Variants in SNRPN observed in about 807,000 individuals in gnomAD.
The protein encoded by SNRPN is small nuclear ribonucleoprotein polypeptide N, also known as small nuclear ribonucleoprotein-associated protein N.
Under a neutral mutation model 25.2 loss-of-function variants are expected in SNRPN, and 7 were observed. That is an observed-to-expected ratio of 0.28 (90% CI 0.16 to 0.52). The LOEUF (loss-of-function observed/expected upper bound fraction) is 0.52. SNRPN is among the 20% of genes least tolerant of loss of function. The pLI, the probability that SNRPN is intolerant of heterozygous loss-of-function variation, is 0.96. For missense variants in SNRPN, 196 were observed against 322.5 expected (o/e 0.61, Z 3.00); for synonymous variants, 124 against 110.6 (o/e 1.12, Z -0.76).
chr15:24,915,446 A>T (rs1470355499), intron 2 of SNRPN, among the ~76,000 whole-genome samples: 1 of 152,100 alleles, frequency 6.6e-6, no homozygotes, highest in African/African-American at 2.4e-5. Context: ...TTCTTGATAA[A>T]CAGACTTCCT....
intron 3 of SNRPN, among the ~76,000 whole-genome samples, chr15:24,944,981 C>T (rs1460586785): frequency 6.6e-6 from 1 of 152,176 alleles, no homozygotes; most frequent in Non-Finnish European, 1.5e-5. Flanking sequence ...ATCTGCTTTA[C>T]TCAAAGTCTA....
chr15:24,843,881 G>A (rs1472139423), intron 2 of SNRPN, among the ~76,000 whole-genome samples: 1 of 151,462 alleles, frequency 6.6e-6, no homozygotes, highest in South Asian at 2.1e-4. Flanking sequence ...GCTAGGGCAT[G>A]AGAATAGCTT....
At chr15:24,884,816 A>G (rs2057046934) in intron 1 of SNRPN, among the ~76,000 whole-genome samples, 1 of 152,148 alleles carries the variant, frequency 6.6e-6, no homozygotes, top group South Asian at 2.1e-4. Flanking sequence ...TGTTGCCAGA[A>G]AAAGGGGCCC....
At chr15:24,878,131 C>A (rs1309953051) in intron 1 of SNRPN, among the ~76,000 whole-genome samples, 1 of 152,212 alleles carries the variant, frequency 6.6e-6, no homozygotes, top group Non-Finnish European at 1.5e-5. Flanking sequence ...CTACAGTTCA[C>A]AAAATGAACG....
At chr15:24,971,486 T>C (rs1292968402) in intron 3 of SNRPN, among the ~76,000 whole-genome samples, 3 of 152,026 alleles carry the variant, frequency 2.0e-5, no homozygotes, top group African/African-American at 7.2e-5. Flanking sequence ...TCAACTCCTA[T>C]TGTGAGTAAA....
chr15:24,884,004 TAAAA>T (rs34950476), intron 1 of SNRPN, among the ~76,000 whole-genome samples: 4 of 127,138 alleles, frequency 3.1e-5, no homozygotes, highest in Non-Finnish European at 3.3e-5. Context: ...CCACTCTGTC[TAAAA>T]AAAAAAAAAA....
intron 1 of SNRPN, among the ~76,000 whole-genome samples, chr15:24,865,732 G>C (rs922247976): frequency 6.6e-6 from 1 of 152,024 alleles, no homozygotes; most frequent in Non-Finnish European, 1.5e-5. Context: ...TTTATAATTT[G>C]ATATCTTATT....
chr15:24,860,459 G>A (rs2053891748), intron 1 of SNRPN, among the ~76,000 whole-genome samples: 1 of 152,114 alleles, frequency 6.6e-6, no homozygotes, highest in African/African-American at 2.4e-5. Context: ...GAATTGTGTT[G>A]TTCATTTATA....
intron 3 of SNRPN, among the ~76,000 whole-genome samples, chr15:24,930,590 C>CAAAAAAAAAA (rs67708507): frequency 1.5e-4 from 15 of 98,352 alleles, no homozygotes; most frequent in Admixed American, 5.2e-4. Context: ...TACAAAAATA[C>CAAAAAAAAAA]AAAAAAAAAA....
Position 24,976,908 on chromosome 15 carries a change from C to G in SNRPN, c.299C>G (p.Ala100Gly). The G allele has an allele frequency of 6.2e-7, 1 of 1,608,358 alleles. No homozygotes were observed. Among genetic ancestry groups the G allele is most frequent in the Admixed American group, 1.7e-5 (1 of 58,810 alleles). ...ATTGCTCGGGTACCACTTGCTGGAG[C>G]TGCTGGAGGCCCTGGGGTTGGTAGG... ...TGIARVPLAGAAGGPGVGRAA... is the reference protein window; with the variant it reads ...TGIARVPLAGGAGGPGVGRAA... The change falls in exon 7 of 10, where the codon GCT becomes GGT. Residue 100 changes from alanine (A) to glycine (G), a missense_variant. Ala to Gly is a moderately conservative substitution (Grantham distance 60, BLOSUM62 0). Transcript: ENST00000390687.
At chr15:24,946,241 G>A (rs984818576) in intron 3 of SNRPN, among the ~76,000 whole-genome samples, 5 of 151,948 alleles carry the variant, frequency 3.3e-5, no homozygotes, top group African/African-American at 4.8e-5. Context: ...TTCCTAATCT[G>A]TAAAAGGGAT....
At chr15:24,918,221 G>C (rs1344900444) in intron 2 of SNRPN, among the ~76,000 whole-genome samples, 1 of 150,902 alleles carries the variant, frequency 6.6e-6, no homozygotes, top group Non-Finnish European at 1.5e-5. Context: ...ACAGAGGCCA[G>C]AGACAAGGAC....
chr15:24,870,657 T>C lies in SNRPN; in HGVS notation c.-579+13941T>C, dbSNP rs192857295. Among the ~76,000 whole-genome samples the C allele has an allele frequency of 8.1e-4, 121 of 150,008 alleles. 3 individuals are homozygous for C. Among genetic ancestry groups the C allele is most frequent in the Middle Eastern group, 6.9e-3 (2 of 288 alleles). On this transcript the variant is annotated intron_variant, in intron 1 of 11. Transcript: ENST00000400097. The stretch of plus-strand genomic sequence containing the variant: ...GCTCATAGACAACTTCTTGGACCTT[T>C]AGATGCAGAATCTTCACTTTGTACC...
At chr15:24,854,593 A>G (rs1234164993), upstream of SNRPN, among the ~76,000 whole-genome samples, 12 of 152,214 alleles carry the variant, frequency 7.9e-5, no homozygotes, top group East Asian at 1.9e-4. Context: ...TGCCATTTCT[A>G]TCTTCCTTCT....
intron 1 of SNRPN, among the ~76,000 whole-genome samples, chr15:24,956,741 C>T (rs1042238366): frequency 6.6e-6 from 1 of 152,198 alleles, no homozygotes; most frequent in African/African-American, 2.4e-5. Flanking sequence ...CTCCGCCTAG[C>T]AAGCTTGGCA....
intron 3 of SNRPN, among the ~76,000 whole-genome samples, chr15:24,945,422 C>G (rs2061820031): frequency 6.6e-6 from 1 of 150,862 alleles, no homozygotes; most frequent in Non-Finnish European, 1.5e-5. Context: ...GCCTGTAATC[C>G]CACCTACTTG....
intron 4 of SNRPN, among the ~76,000 whole-genome samples, chr15:24,975,119 A>G (rs114645474): frequency 0.039 from 5,903 of 152,286 alleles, 381 homozygotes; most frequent in African/African-American, 0.13. Context: ...ACAGAGAAGG[A>G]TAATCACCTG....
chr15:24,974,413 A>G lies in SNRPN; in HGVS notation c.-41A>G. On this transcript the variant is annotated 5_prime_UTR_variant, in exon 4 of 10. Transcript: ENST00000390687. The stretch of plus-strand genomic sequence containing the variant: ...CTTCCCCTAGGTCTTCAGAAGCATC[A>G]AGTTTTAACTGTGGACATTGGATTT... 2 of 1,608,520 alleles carry G rather than the reference A, an allele frequency of 1.2e-6. No individual in the cohort carries two copies. The highest frequency in any genetic ancestry group is 1.7e-6 in the Non-Finnish European group (2 of 1,174,928).
chr15:24,922,248 T>G (rs561684770), intron 3 of SNRPN, among the ~76,000 whole-genome samples: 1 of 152,200 alleles, frequency 6.6e-6, no homozygotes, highest in African/African-American at 2.4e-5. Flanking sequence ...ACAAAAAGGC[T>G]AAGAGCCTTG....
Sources: gnomAD v4.1 joint callset for allele counts (sites outside exome capture counted in the v4.1 genomes callset) on GRCh38, gnomAD v4.1.1 for gene constraint, MANE v1.5 for transcripts, NCBI Gene and HGNC (gene_info 2026-07-23, HGNC 2026-07-21) for gene names.